Variants in SLC5A8 observed in about 807,000 individuals in gnomAD.
SLC5A8 encodes the protein solute carrier family 5 member 8.
SLC5A8 carries 55 observed loss-of-function variants against 71.9 expected under a neutral mutation model. The observed-to-expected ratio is 0.77, with a 90% CI of 0.62 to 0.96. The LOEUF (loss-of-function observed/expected upper bound fraction) is 0.96, where lower values mean the gene tolerates loss of function less well. SLC5A8 is among the 40% of genes least tolerant of loss of function. SLC5A8 has a pLI of 0.00. For synonymous variants in SLC5A8, 307 were observed against 276.1 expected (o/e 1.11, Z -1.11); for missense variants, 701 against 745.3 (o/e 0.94, Z 0.69).
At chr12:101,176,405 C>G (rs2051880591) in intron 10 of SLC5A8, among the ~76,000 whole-genome samples, 2 of 151,864 alleles carry the variant, frequency 1.3e-5, no homozygotes, top group Admixed American at 6.6e-5. Context: ...ATAAAACAAC[C>G]AAACAGAAAA....
chr12:101,157,096 C>T lies in SLC5A8; in HGVS notation c.*183G>A. 1 of 576,072 alleles carries T rather than the reference C, an allele frequency of 1.7e-6. No individual in the cohort carries two copies. Among genetic ancestry groups the T allele is most frequent in the East Asian group, 2.9e-5 (1 of 35,012 alleles). 35.7% of individuals were successfully genotyped at this position (576,072 alleles called of 1,614,324 possible). A position where few individuals can be genotyped will look rare whatever the true frequency, so the allele number is the denominator to read the frequency against. ...ATGTCAATGCCAGAATTCTAAACTC[C>T]AGAGTAACATCAATTAATGATGTAG... On this transcript the variant is annotated 3_prime_UTR_variant, in exon 15 of 15. Coordinates refer to ENST00000536262, the MANE Select transcript of SLC5A8 (RefSeq NM_145913.5).
intron 1 of SLC5A8, among the ~76,000 whole-genome samples, chr12:101,205,302 A>G (rs1444445445): frequency 2.6e-5 from 4 of 152,118 alleles, no homozygotes; most frequent in Admixed American, 6.5e-5. Context: ...CCTTCTAACA[A>G]TTGTTTTTTT....
At chr12:101,162,273 C>T (rs1325894720) in intron 12 of SLC5A8, among the ~76,000 whole-genome samples, 196 bp from the exon 13 acceptor site, 1 of 152,174 alleles carries the variant, frequency 6.6e-6, no homozygotes, top group Non-Finnish European at 1.5e-5. Flanking sequence ...TACTAAAATA[C>T]TTGAAGGTCA....
In SLC5A8 at chr12:101,157,224, T is replaced by C; in HGVS notation, c.*55A>G. 1.3e-6 allele frequency: 2 copies of C among 1,584,850 alleles called. No homozygotes were observed. Among genetic ancestry groups the C allele is most frequent in the East Asian group, 2.3e-5 (1 of 44,416 alleles). On this transcript the variant is annotated 3_prime_UTR_variant, in exon 15 of 15. Coordinates refer to ENST00000536262, the MANE Select transcript of SLC5A8 (RefSeq NM_145913.5). ...CAAAGAAAACCTGATCCAATTATCT[T>C]AGAAAACATATAAAATTGAAACATC...
intron 11 of SLC5A8, among the ~76,000 whole-genome samples, chr12:101,167,294 A>C (rs1196796469): frequency 6.6e-6 from 1 of 152,238 alleles, no homozygotes; most frequent in East Asian, 1.9e-4. Flanking sequence ...TTCATTGAGG[A>C]TAATAAATAA....
intron 8 of SLC5A8, among the ~76,000 whole-genome samples, chr12:101,183,138 C>T (rs564651546): frequency 2.0e-5 from 3 of 148,828 alleles, no homozygotes; most frequent in African/African-American, 7.5e-5. Context: ...CTCTGCCTCC[C>T]GGGTTCACGC....
intron 2 of SLC5A8, among the ~76,000 whole-genome samples, chr12:101,203,561 G>A (rs748227298): frequency 3.3e-5 from 5 of 152,148 alleles, no homozygotes; most frequent in Non-Finnish European, 5.9e-5. Context: ...TGGCCAGGCT[G>A]GTCTTGAACT....
intron 2 of SLC5A8, among the ~76,000 whole-genome samples, chr12:101,202,724 A>G (rs1016476410): frequency 6.6e-6 from 1 of 152,168 alleles, no homozygotes; most frequent in Non-Finnish European, 1.5e-5. Context: ...CTGAAAGCCA[A>G]TGAAAACCAC....
chr12:101,197,655 T>C (rs943620650), intron 3 of SLC5A8, among the ~76,000 whole-genome samples: 12 of 152,074 alleles, frequency 7.9e-5, no homozygotes, highest in African/African-American at 2.7e-4. Context: ...GATTGTAAAT[T>C]TAAAAAGAGA....
rs1050299804 is a variant in SLC5A8, at chr12:101,188,563, C to A, written c.834-1048G>T. Among the ~76,000 whole-genome samples, 12 of 152,206 alleles carry A rather than the reference C, an allele frequency of 7.9e-5. No individual in the cohort carries two copies. In the South Asian group the frequency reaches 2.5e-3, roughly 32 times the overall value. ...GGACTAGTCTGAAGAGCCACCCTAG[C>A]TCTAGAGCTCCCTTTGAGGCCTCTG... On this transcript the variant is annotated intron_variant, in intron 6 of 14. Coordinates refer to ENST00000536262, the MANE Select transcript of SLC5A8 (RefSeq NM_145913.5).
At chr12:101,187,572 A>C in intron 6 of SLC5A8, 57 bp from the exon 7 acceptor site, 1 of 1,553,956 alleles carries the variant, frequency 6.4e-7, no homozygotes. Flanking sequence ...CCCAAAGATT[A>C]GGAAACCTGT....
intron 6 of SLC5A8, among the ~76,000 whole-genome samples, chr12:101,189,073 T>C (rs750699010): frequency 8.4e-4 from 128 of 152,300 alleles, no homozygotes; most frequent in Middle Eastern, 3.4e-3. Flanking sequence ...ACTATGCTTA[T>C]GGGAATTGAT....
At chr12:101,200,571 A>T (rs574787754) in intron 3 of SLC5A8, among the ~76,000 whole-genome samples, 2 of 152,246 alleles carry the variant, frequency 1.3e-5, no homozygotes, top group South Asian at 4.1e-4. Flanking sequence ...AAAATCAGGG[A>T]AATGTAAACA....
intron 10 of SLC5A8, among the ~76,000 whole-genome samples, chr12:101,176,968 A>G (rs547917514): frequency 6.6e-6 from 1 of 152,238 alleles, no homozygotes; most frequent in Admixed American, 6.5e-5. Flanking sequence ...ACACAGAAAA[A>G]TCAATGAAAA....
rs752211519 is a variant in SLC5A8 at position 101,190,501 on chromosome 12, T to G, written c.800A>C (p.Tyr267Ser). ...CTGGAATCTGCTTTTACAAGAAATA[T>G]ATCTCTGCACCTGGGATTGGTTGAC... ...YGVNQSQVQR[Y>S]ISCKSRFQAK... Residue 267 changes from tyrosine to serine, a missense_variant, in exon 6 of 15, where the codon TAT becomes TCT. Transcript: ENST00000536262. 5 of 1,613,276 alleles carry G rather than the reference T, an allele frequency of 3.1e-6. No homozygotes were observed. In the Admixed American group the frequency reaches 8.4e-5, roughly 27 times the overall value.
At chr12:101,185,673 G>A (rs906074084) in intron 7 of SLC5A8, among the ~76,000 whole-genome samples, 1 of 152,114 alleles carries the variant, frequency 6.6e-6, no homozygotes, top group Admixed American at 6.5e-5. Context: ...CCACCTCCCA[G>A]GTTCAAGCAA....
At chr12:101,176,573 A>G (rs1022398396) in intron 10 of SLC5A8, among the ~76,000 whole-genome samples, 2 of 152,238 alleles carry the variant, frequency 1.3e-5, no homozygotes, top group Middle Eastern at 6.8e-3. Context: ...AAGTACTGAA[A>G]TCATAAAGAG....
chr12:101,201,692 T>C (rs993391815), intron 3 of SLC5A8, among the ~76,000 whole-genome samples: 5 of 152,214 alleles, frequency 3.3e-5, no homozygotes, highest in Non-Finnish European at 5.9e-5. Context: ...AGGAGCAGTC[T>C]GATCATTCAA....
chr12:101,183,992 A>T, intron 8 of SLC5A8, 142 bp downstream of exon 8: 1 of 722,544 alleles, frequency 1.4e-6, no homozygotes. Context: ...GTCAGACCAC[A>T]GAGAGGACAC....
Sources: gnomAD v4.1 joint callset for allele counts (sites outside exome capture counted in the v4.1 genomes callset) on GRCh38, gnomAD v4.1.1 for gene constraint, MANE v1.5 for transcripts, NCBI Gene and HGNC (gene_info 2026-07-23, HGNC 2026-07-21) for gene names.